The following BCL7A variants were observed in gnomAD, a reference collection of about 807,000 sequenced individuals.
BCL7A encodes BAF chromatin remodeling complex subunit BCL7A, also known as B-cell CLL/lymphoma 7 protein family member A.
A neutral mutation model predicts 28.4 loss-of-function variants in BCL7A; 11 were observed. The ratio of observed to expected loss-of-function variants is 0.39; its 90% confidence interval spans 0.24 to 0.64. The LOEUF (loss-of-function observed/expected upper bound fraction) is 0.64, where lower values mean the gene tolerates loss of function less well. Among genes scored for constraint, BCL7A ranks in the 30% least tolerant of loss-of-function variants. The probability of loss-of-function intolerance (pLI) is 0.50; values close to 1 mark genes in which losing one functional copy is unlikely to be tolerated. For synonymous variants in BCL7A, 123 were observed against 103.3 expected, an observed-to-expected ratio of 1.19 and a Z score of -1.15; for missense variants, 222 against 274.8, an observed-to-expected ratio of 0.81 and a Z score of 1.36.
At chr12:122,034,796 C>G (rs1419174770) in intron 2 of BCL7A, among the ~76,000 whole-genome samples, 1 of 151,978 alleles carries the variant, frequency 6.6e-6, no homozygotes, top group Non-Finnish European at 1.5e-5. Flanking sequence ...ATCCTCCCTC[C>G]TTTCTCCCGG....
At chr12:122,037,739 G>A (rs1044669697) in intron 3 of BCL7A, among the ~76,000 whole-genome samples, 4 of 152,070 alleles carry the variant, frequency 2.6e-5, no homozygotes, top group Non-Finnish European at 4.4e-5. Flanking sequence ...CTGAGGTTGG[G>A]AGTTCGAGAC....
chr12:122,037,241 G>A (rs77167021), intron 3 of BCL7A, among the ~76,000 whole-genome samples: 1,749 of 152,308 alleles, frequency 0.011, 39 homozygotes, highest in African/African-American at 0.04. Flanking sequence ...GCTAGGACAA[G>A]AGCCTGCAAC....
At position 122,029,225 on chromosome 12, in the gene BCL7A, C is replaced by T. The variant is rs1465541649; in HGVS notation, c.93-1475C>T. Among the ~76,000 whole-genome samples the T allele has an allele frequency of 1.3e-5, 2 of 152,104 alleles. No individual in the cohort carries two copies. The highest frequency in any genetic ancestry group is 2.1e-4 in the South Asian group (1 of 4,822). The stretch of plus-strand genomic sequence containing the variant: ...GTACATAGAAGGCGCTAGGAATGGC[C>T]ACTGGTATAATAAGAAAAGCCGGGC... On this transcript the variant is annotated intron_variant, in intron 1 of 5. Coordinates refer to ENST00000261822, the MANE Select transcript of BCL7A (RefSeq NM_001024808.3). This position sits in a 1 kb window ranked among gnomAD's most constrained non-coding sequence, Gnocchi z 4.3.
At chr12:122,057,429 CTTTGTA>C (rs1163396511) in intron 5 of BCL7A, among the ~76,000 whole-genome samples, 1 of 152,110 alleles carries the variant, frequency 6.6e-6, no homozygotes, top group Non-Finnish European at 1.5e-5. Context: ...TTGTGGAATG[CTTTGTA>C]TTTGTAAGTT....
chr12:122,043,912 G>A lies in BCL7A; in HGVS notation c.298G>A (p.Ala100Thr), dbSNP rs1020885531. 34 of 1,613,490 alleles carry A rather than the reference G, an allele frequency of 2.1e-5. No individual in the cohort carries two copies. The highest frequency in any genetic ancestry group is 1.6e-4 in the Middle Eastern group (1 of 6,082). ...CGATAACAGCAACCAGAGCTCCATC[G>A]CAGATGCCTCCCCCATCAAACAGGA... ...HDDNSNQSSI[A>T]DASPIKQENS... Residue 100 changes from alanine to threonine, a missense_variant, in exon 4 of 6, where the codon GCA (alanine) becomes ACA (threonine). Physicochemically the swap from Ala to Thr is moderately conservative, Grantham distance 58. Around this residue, in one of 2 missense-constraint regions of BCL7A, gnomAD observed 155 missense variants for 145.7 expected, o/e 1.06. Coordinates refer to ENST00000261822, the MANE Select transcript of BCL7A (RefSeq NM_001024808.3).
intron 3 of BCL7A, among the ~76,000 whole-genome samples, chr12:122,040,089 C>T (rs1181189326): frequency 1.3e-5 from 2 of 152,196 alleles, no homozygotes; most frequent in Non-Finnish European, 2.9e-5. Flanking sequence ...AAGCCCGTTA[C>T]ATCATTGCCT....
In BCL7A at chr12:122,021,947, T is replaced by G. The variant is rs1883465235; in HGVS notation, c.-145T>G. On this transcript the variant is annotated 5_prime_UTR_variant, in exon 1 of 6. Coordinates refer to ENST00000261822, the MANE Select transcript of BCL7A (RefSeq NM_001024808.3). ...GTGTGTGTATGTGTGTGTGTGTGTG[T>G]GTGTGTGTGTGAGTGTGTGCGTGTG... 1 of 582,478 alleles carries G rather than the reference T, an allele frequency of 1.7e-6. No homozygotes were observed. The highest frequency in any genetic ancestry group is 3.1e-6 in the Non-Finnish European group (1 of 327,056). 36.1% of individuals were successfully genotyped at this position (582,478 alleles called of 1,614,324 possible). A position where few individuals can be genotyped will look rare whatever the true frequency, so the allele number is the denominator to read the frequency against.
intron 3 of BCL7A, among the ~76,000 whole-genome samples, chr12:122,036,938 G>A (rs1883868911): frequency 6.6e-6 from 1 of 152,012 alleles, no homozygotes; most frequent in African/African-American, 2.4e-5. Context: ...CGAACTCCTG[G>A]TCTCGAACGC....
chr12:122,060,893 G>T lies in BCL7A; in HGVS notation c.*1730G>T. ...ATGCAAAATGTCTCCTGAAATAAGG[G>T]AAAAAAAAAAAACCACAACTTTGAA... On this transcript the variant is annotated 3_prime_UTR_variant, in exon 6 of 6. Coordinates refer to ENST00000261822, the MANE Select transcript of BCL7A (RefSeq NM_001024808.3). 3 of 189,274 alleles carry T rather than the reference G, an allele frequency of 1.6e-5. No homozygotes were observed. Among genetic ancestry groups the T allele is most frequent in the Non-Finnish European group, 2.1e-5 (2 of 94,326 alleles). The allele number at this position is 189,274 out of a possible 1,614,324, so 11.7% of individuals were successfully genotyped here.
chr12:122,041,553 C>G (rs1593029791), intron 3 of BCL7A, among the ~76,000 whole-genome samples: 1 of 152,104 alleles, frequency 6.6e-6, no homozygotes, highest in Non-Finnish European at 1.5e-5. Context: ...TCACTTGAGC[C>G]CAGGGGTCCA....
intron 5 of BCL7A, among the ~76,000 whole-genome samples, chr12:122,056,137 G>T (rs377352988): frequency 6.6e-6 from 1 of 152,206 alleles, no homozygotes; most frequent in East Asian, 1.9e-4. Context: ...CTGCAGATCC[G>T]CAGGCGTAGC....
Position 122,061,086 on chromosome 12 carries a change from C to T in BCL7A, c.*1923C>T, listed in dbSNP as rs749973120. ...TTCCTCTCCACGCATCTCGAGGCGG[C>T]GTTACCTCCAGATTCCGTAGAGTTA... On this transcript the variant is annotated 3_prime_UTR_variant, in exon 6 of 6. Coordinates refer to ENST00000261822, the MANE Select transcript of BCL7A (RefSeq NM_001024808.3). The T allele has an allele frequency of 4.4e-6, 1 of 226,114 alleles. No homozygotes were observed. Among genetic ancestry groups the T allele is most frequent in the East Asian group, 6.4e-5 (1 of 15,598 alleles). The allele number at this position is 226,114 out of a possible 1,614,324, so 14.0% of individuals were successfully genotyped here.
intron 4 of BCL7A, 57 bp from the exon 5 acceptor site, chr12:122,054,748 C>T (rs1214839638): frequency 4.5e-6 from 7 of 1,559,426 alleles, no homozygotes; most frequent in Non-Finnish European, 6.1e-6. Flanking sequence ...TTTGGCCCCA[C>T]CGGCCCCGCC....
chr12:122,022,685 T>G (rs1883493797), intron 1 of BCL7A, among the ~76,000 whole-genome samples: 1 of 145,364 alleles, frequency 6.9e-6, no homozygotes, highest in East Asian at 2.1e-4. Context: ...CCCGCCGCCC[T>G]CCGCCAGCCC....
At chr12:122,022,655 C>T (rs1345508891) in intron 1 of BCL7A, among the ~76,000 whole-genome samples, 3 of 146,240 alleles carry the variant, frequency 2.1e-5, no homozygotes, top group Non-Finnish European at 4.6e-5. Flanking sequence ...CGTCTCCTCC[C>T]CGCGCACCCC....
chr12:122,055,045 GA>G, intron 5 of BCL7A, 119 bp downstream of exon 5: 1 of 1,579,270 alleles, frequency 6.3e-7, no homozygotes, highest in East Asian at 2.2e-5. Flanking sequence ...TGGACCATTG[GA>G]ACTGTCATTT....
chr12:122,050,996 TTCCTGCTTCTTTCCCA>T (rs1884181158), intron 4 of BCL7A, among the ~76,000 whole-genome samples: 1 of 152,186 alleles, frequency 6.6e-6, no homozygotes, highest in African/African-American at 2.4e-5. Flanking sequence ...TGCAGCCGCG[TTCCTGCTTCTTTCCCA>T]TCCTGGTTTC....
intron 2 of BCL7A, among the ~76,000 whole-genome samples, chr12:122,034,161 G>T (rs1353323576): frequency 1.6e-5 from 2 of 128,014 alleles, no homozygotes; most frequent in Non-Finnish European, 3.3e-5. Context: ...CTTACCACTG[G>T]TGGTGAGGCT....
At chr12:122,047,192 A>G (rs1884094631) in intron 4 of BCL7A, among the ~76,000 whole-genome samples, 2 of 151,774 alleles carry the variant, frequency 1.3e-5, no homozygotes, top group Non-Finnish European at 1.5e-5. Flanking sequence ...GTGAACCACC[A>G]CGCCTGGACT....
Sources: allele counts gnomAD v4.1 joint callset (sites outside exome capture counted in the v4.1 genomes callset), GRCh38; gene constraint gnomAD v4.1.1; regional missense constraint gnomAD v4.1.1; non-coding constraint Gnocchi (gnomAD v3.1); transcripts MANE v1.5; gene names NCBI Gene and HGNC (gene_info 2026-07-23, HGNC 2026-07-21).